The following STPG2 variants were observed in gnomAD, a reference collection of about 807,000 sequenced individuals.
STPG2 encodes the protein sperm-tail PG-rich repeat-containing protein 2.
STPG2 carries 56 observed loss-of-function variants against 54.2 expected under a neutral mutation model. The ratio of observed to expected loss-of-function variants is 1.03; its 90% CI spans 0.83 to 1.29. The LOEUF is 1.29. Ranked by LOEUF, STPG2 falls within the 50% of genes most tolerant of loss-of-function variation. The pLI is 0.00. For missense variants in STPG2, 596 were observed against 544.9 expected (o/e 1.09, Z -0.93); for synonymous variants, 200 against 181.8 (o/e 1.10, Z -0.81).
intron 5 of STPG2, chr4:98,025,433 C>A: frequency 4.5e-6 from 2 of 443,112 alleles, no homozygotes; most frequent in African/African-American, 2.0e-5. Context: ...TAAGAGATAC[C>A]AAGTGAAATT....
chr4:97,604,557 C>T (rs1012711463), intron 10 of STPG2, among the ~76,000 whole-genome samples: 1 of 151,576 alleles, frequency 6.6e-6, no homozygotes, highest in Non-Finnish European at 1.5e-5. Context: ...GAGTTTAATC[C>T]TCTTAGAGTT....
intron 8 of STPG2, among the ~76,000 whole-genome samples, chr4:97,875,528 G>T (rs1007256065): frequency 3.2e-4 from 48 of 151,726 alleles, no homozygotes; most frequent in Admixed American, 3.2e-3. Flanking sequence ...TAAAAAACAA[G>T]TTATTTTCCA....
rs558548149 is a variant in STPG2, at chr4:97,960,144, G to T, written c.933+12136C>A. 7.2e-5 allele frequency among the ~76,000 whole-genome samples: 11 copies of T among 152,166 alleles called. 1 individual carries two copies. The East Asian group carries it at 1.9e-3, about 27-fold the overall frequency. ...CAGAAAAAGCATTTGACAAAATCCAGCATCACTTTATGATTAAAATTCTCA... is the reference window on the plus strand; with the variant it reads ...CAGAAAAAGCATTTGACAAAATCCATCATCACTTTATGATTAAAATTCTCA... On this transcript the variant is annotated intron_variant, in intron 7 of 10. Transcript: ENST00000295268.
intron 10 of STPG2, among the ~76,000 whole-genome samples, chr4:97,610,442 TTAAC>T (rs1213968713): frequency 6.6e-6 from 1 of 151,914 alleles, no homozygotes; most frequent in Non-Finnish European, 1.5e-5. Context: ...AAACCAATAA[TTAAC>T]AGGGCTCAAA....
intron 9 of STPG2, among the ~76,000 whole-genome samples, chr4:97,736,937 G>T (rs967687203): frequency 2.0e-5 from 3 of 152,148 alleles, no homozygotes; most frequent in Admixed American, 1.3e-4. Flanking sequence ...TGACCCCCCA[G>T]CAGCCTAACA....
intron 4 of STPG2, among the ~76,000 whole-genome samples, chr4:97,545,391 C>A (rs931512852): frequency 6.6e-6 from 1 of 152,096 alleles, no homozygotes; most frequent in African/African-American, 2.4e-5. Context: ...GTCCCAGGAG[C>A]TTTTCACTTT....
chr4:97,755,112 A>C (rs918823013), intron 9 of STPG2, among the ~76,000 whole-genome samples: 1 of 152,184 alleles, frequency 6.6e-6, no homozygotes, highest in African/African-American at 2.4e-5. Context: ...AGTTTGGAGG[A>C]GGGAAGAGCA....
chr4:98,116,578 G>A lies in STPG2; in HGVS notation c.388-7273C>T, dbSNP rs539437412. Among the ~76,000 whole-genome samples, 263 of 151,820 alleles carry A rather than the reference G, an allele frequency of 1.7e-3. 2 individuals carry two copies. Among genetic ancestry groups the A allele is most frequent in the African/African-American group, 5.9e-3 (245 of 41,460 alleles). Reference sequence around the variant, plus strand: ...TATCAAATCATAAGACCATTTCACTGGAGTTTTTACAGAATTGAACCTATT... The same window carrying A: ...TATCAAATCATAAGACCATTTCACTAGAGTTTTTACAGAATTGAACCTATT... On this transcript the variant is annotated intron_variant, in intron 3 of 10. Transcript: ENST00000295268.
intron 10 of STPG2, among the ~76,000 whole-genome samples, chr4:97,595,375 C>T (rs890204225): frequency 3.9e-4 from 59 of 152,150 alleles, no homozygotes; most frequent in African/African-American, 1.3e-3. Flanking sequence ...CACATGTTCT[C>T]ACTCATAGGT....
chr4:97,599,659 T>C (rs564774160), intron 10 of STPG2, among the ~76,000 whole-genome samples: 3 of 151,778 alleles, frequency 2.0e-5, no homozygotes, highest in Non-Finnish European at 4.4e-5. Context: ...CCGTCTCTAC[T>C]AAAGAATACA....
At chr4:97,854,497 T>C (rs1341921711) in intron 8 of STPG2, among the ~76,000 whole-genome samples, 1 of 148,400 alleles carries the variant, frequency 6.7e-6, no homozygotes, top group Non-Finnish European at 1.5e-5. Context: ...ATAATTTATA[T>C]ATTATTTATA....
At chr4:97,744,639 C>T (rs1326239402) in intron 9 of STPG2, among the ~76,000 whole-genome samples, 2 of 151,184 alleles carry the variant, frequency 1.3e-5, no homozygotes, top group African/African-American at 2.4e-5. Flanking sequence ...CATGATTTTT[C>T]CTATAAATAC....
At chr4:98,025,797 C>A in intron 5 of STPG2, 1 of 1,579,060 alleles carries the variant, frequency 6.3e-7, no homozygotes, top group Non-Finnish European at 8.6e-7. Flanking sequence ...ATTGATGGTC[C>A]GCCGGGTGCC....
chr4:97,940,954 T>C (rs913828619), intron 8 of STPG2, among the ~76,000 whole-genome samples: 1 of 152,158 alleles, frequency 6.6e-6, no homozygotes, highest in Admixed American at 6.5e-5. Flanking sequence ...TTGTTTCCTT[T>C]TTTTATTTCA....
chr4:97,743,219 T>G (rs4699318), intron 9 of STPG2, among the ~76,000 whole-genome samples: 64,207 of 151,316 alleles, frequency 0.42, 14,161 homozygotes, highest in Admixed American at 0.54. Flanking sequence ...GAACAAGTCA[T>G]TTTTGAGAGT....
intron 6 of STPG2, among the ~76,000 whole-genome samples, chr4:97,972,919 C>T (rs1468236691): frequency 6.6e-6 from 1 of 152,208 alleles, no homozygotes; most frequent in Admixed American, 6.5e-5. Context: ...ACCATAAGTC[C>T]ATTAAACCTC....
At chr4:97,662,747 C>T (rs1267697403) in intron 10 of STPG2, among the ~76,000 whole-genome samples, 1 of 152,026 alleles carries the variant, frequency 6.6e-6, no homozygotes, top group Non-Finnish European at 1.5e-5. Flanking sequence ...TGACTACATA[C>T]AGACATAAAG....
At chr4:98,123,145 T>C (rs1190994817) in intron 3 of STPG2, among the ~76,000 whole-genome samples, 1 of 152,150 alleles carries the variant, frequency 6.6e-6, no homozygotes, top group Non-Finnish European at 1.5e-5. Context: ...AAAAAATAGC[T>C]TCTGGGTTCA....
chr4:98,097,130 G>A (rs1342038595), intron 5 of STPG2, among the ~76,000 whole-genome samples: 3 of 152,114 alleles, frequency 2.0e-5, no homozygotes, highest in Non-Finnish European at 4.4e-5. Context: ...TATGAGGCCA[G>A]TATTACCCCG....
Sources: gnomAD v4.1 joint callset for allele counts (sites outside exome capture counted in the v4.1 genomes callset) on GRCh38, gnomAD v4.1.1 for gene constraint, MANE v1.5 for transcripts, NCBI Gene and HGNC (gene_info 2026-07-23, HGNC 2026-07-21) for gene names.